Variants in NUBP1 observed in about 807,000 individuals in gnomAD.
The protein encoded by NUBP1 is NUBP iron-sulfur cluster assembly factor 1, cytosolic.
In NUBP1, 46 loss-of-function variants were observed where a neutral mutation model predicts 41.8. The observed-to-expected ratio is 1.10, with a 90% CI of 0.87 to 1.41. The LOEUF (loss-of-function observed/expected upper bound fraction) is 1.41, where lower values mean the gene tolerates loss of function less well. Among genes scored for constraint, NUBP1 ranks in the 40% most tolerant of loss-of-function variants. NUBP1 has a pLI of 0.00. For missense variants in NUBP1, 494 were observed against 414.0 expected (o/e 1.19, Z -1.68); for synonymous variants, 189 against 154.6 (o/e 1.22, Z -1.65).
chr16:10,762,360 C>G (rs1042833414), intron 9 of NUBP1, among the ~76,000 whole-genome samples: 2 of 152,224 alleles, frequency 1.3e-5, no homozygotes, highest in African/African-American at 4.8e-5. Flanking sequence ...AAAAAATGCT[C>G]TTCTTAAGTA....
intron 7 of NUBP1, 22 bp downstream of exon 7, chr16:10,758,049 G>T: frequency 6.2e-7 from 1 of 1,609,964 alleles, no homozygotes; most frequent in Non-Finnish European, 8.5e-7. Context: ...GCCAGCTGGA[G>T]CTGGGTCCAA....
rs760437311 is a variant in NUBP1, at chr16:10,757,668, A to C, written c.452-205A>C. 5.3e-5 allele frequency among the ~76,000 whole-genome samples: 8 copies of C among 152,140 alleles called. No homozygotes were observed. The highest frequency in any genetic ancestry group is 1.2e-4 in the Non-Finnish European group (8 of 68,028). ...ACCAAAGGCACAAAAAGATCAGATC[A>C]TGCTTCTCCGTGAGCTGGGCACAGT... On this transcript the variant is annotated intron_variant, in intron 6 of 10. Coordinates refer to ENST00000283027, the MANE Select transcript of NUBP1 (RefSeq NM_002484.4). This position sits in a 1 kb window ranked among gnomAD's most constrained non-coding sequence, Gnocchi z 4.1.
chr16:10,748,229 G>T (rs1017064914), intron 3 of NUBP1, among the ~76,000 whole-genome samples: 6 of 152,246 alleles, frequency 3.9e-5, no homozygotes, highest in Admixed American at 2.6e-4. Flanking sequence ...GAGATTATAG[G>T]CATGAGCCAC....
At chr16:10,758,317 T>G (rs1084546) in intron 7 of NUBP1, among the ~76,000 whole-genome samples, 32,068 of 151,942 alleles carry the variant, frequency 0.21, 4,275 homozygotes, top group South Asian at 0.34. Flanking sequence ...CAAAAAATAT[T>G]TTAAAATTAG....
At position 10,761,776 on chromosome 16, in the gene NUBP1, C is replaced by G; in HGVS notation, c.737C>G (p.Pro246Arg). ...PKCKKESQIF[P>R]PTTGGAELMC... ...TTGCAGAAAGAATCTCAGATATTCCCTCCCACAACCGGGGGCGCGGAGCTC... is the reference window on the plus strand; with the variant it reads ...TTGCAGAAAGAATCTCAGATATTCCGTCCCACAACCGGGGGCGCGGAGCTC... Residue 246 changes from proline (P) to arginine (R), a missense_variant, in exon 9 of 11, where the codon CCT becomes CGT. By Grantham distance (103) the Pro-to-Arg change is moderately radical. Coordinates refer to ENST00000283027, the MANE Select transcript of NUBP1 (RefSeq NM_002484.4). The G allele has an allele frequency of 6.2e-7, 1 of 1,613,930 alleles. No homozygotes were observed. The highest frequency in any genetic ancestry group is 1.7e-5 in the Admixed American group (1 of 59,984).
At position 10,768,739 on chromosome 16, in the gene NUBP1, T is replaced by A. The variant is rs181944066; in HGVS notation, c.905-308T>A. On this transcript the variant is annotated intron_variant, in intron 10 of 10. Transcript: ENST00000283027. This position sits in a 1 kb window ranked among gnomAD's most constrained non-coding sequence, Gnocchi z 4.3. ...GTGTCAGTGTTTGTTAAAGCTGTGG[T>A]CTCTGAGTTTGTGGCTGGGTTTTAC... is the stretch of plus-strand genomic sequence containing the variant. 4.8e-4 allele frequency: 146 copies of A among 306,512 alleles called. No homozygotes were observed. The highest frequency in any genetic ancestry group is 7.2e-4 in the Non-Finnish European group (122 of 168,578). The allele number at this position is 306,512 out of a possible 1,614,324, so 19.0% of individuals were successfully genotyped here. A position where few individuals can be genotyped will look rare whatever the true frequency, so the allele number is the denominator to read the frequency against.
In NUBP1 at chr16:10,765,322, T is replaced by A. The variant is rs1426084365; in HGVS notation, c.821-2627T>A. ...CTGGGTAACACAGGAAGATACCTCA[T>A]CTCTTAAAAAAAAAAAAAAAAAAAA... On this transcript the variant is annotated intron_variant, in intron 9 of 10. Coordinates refer to ENST00000283027, the MANE Select transcript of NUBP1 (RefSeq NM_002484.4). The surrounding 1 kb of genome is among the most constrained non-coding windows in gnomAD (Gnocchi z 4.0). Among the ~76,000 whole-genome samples, 2 of 116,304 alleles carry A rather than the reference T, an allele frequency of 1.7e-5. No individual in the cohort carries two copies. Among genetic ancestry groups the A allele is most frequent in the African/African-American group, 3.4e-5 (1 of 29,058 alleles). The allele number at this position is 116,304 out of a possible 152,430, so 76.3% of individuals were successfully genotyped here.
rs1345348581 is a variant in NUBP1 at position 10,749,038 on chromosome 16, C to G, written c.258+1762C>G. ...CCCAGGAGGCGGAGGTCGCGGTGGG[C>G]CAAGATTGCCCTACTGCACTCCAGC... On this transcript the variant is annotated intron_variant, in intron 3 of 10. Coordinates refer to ENST00000283027, the MANE Select transcript of NUBP1 (RefSeq NM_002484.4). This position sits in a 1 kb window ranked among gnomAD's most constrained non-coding sequence, Gnocchi z 4.1. 6.6e-6 allele frequency among the ~76,000 whole-genome samples: 1 copy of G among 151,086 alleles called. No homozygotes were observed. The highest frequency in any genetic ancestry group is 2.4e-5 in the African/African-American group (1 of 41,038).
chr16:10,756,624 G>C (rs907088997), intron 5 of NUBP1, 66 bp from the exon 6 acceptor site: 14 of 1,219,640 alleles, frequency 1.1e-5, no homozygotes, highest in Non-Finnish European at 1.5e-5. Flanking sequence ...CAGAAGACCT[G>C]GGGGAGGGCC....
chr16:10,749,698 G>A lies in NUBP1; in HGVS notation c.258+2422G>A, dbSNP rs1354636719. 7.2e-5 allele frequency among the ~76,000 whole-genome samples: 11 copies of A among 152,338 alleles called. 1 individual carries two copies. In the East Asian group the frequency reaches 1.5e-3, roughly 21 times the overall value. On this transcript the variant is annotated intron_variant, in intron 3 of 10. Coordinates refer to ENST00000283027, the MANE Select transcript of NUBP1 (RefSeq NM_002484.4). This position sits in a 1 kb window ranked among gnomAD's most constrained non-coding sequence, Gnocchi z 4.1. ...CTCCCTGCCCTAAATCCAGCAGGGTGGTGGGACATGCCCTGACCTTTTTCT... is the reference window on the plus strand; with the variant it reads ...CTCCCTGCCCTAAATCCAGCAGGGTAGTGGGACATGCCCTGACCTTTTTCT...
intron 4 of NUBP1, among the ~76,000 whole-genome samples, chr16:10,754,339 C>A (rs1900458274): frequency 6.6e-6 from 1 of 152,110 alleles, no homozygotes; most frequent in Non-Finnish European, 1.5e-5. Flanking sequence ...GCCTCCCGGG[C>A]TCAAGCAGTT....
chr16:10,767,042 T>C lies in NUBP1; in HGVS notation c.821-907T>C. 2.5e-6 allele frequency: 1 copy of C among 398,430 alleles called. No individual in the cohort carries two copies. The highest frequency in any genetic ancestry group is 1.3e-4 in the South Asian group (1 of 7,850). 24.7% of individuals were successfully genotyped at this position (398,430 alleles called of 1,614,324 possible). On this transcript the variant is annotated intron_variant, in intron 9 of 10. Coordinates refer to ENST00000283027, the MANE Select transcript of NUBP1 (RefSeq NM_002484.4). The surrounding 1 kb of genome is among the most constrained non-coding windows in gnomAD (Gnocchi z 4.6). ...CCTGTCCCACAGGGCGACACAGTAG[T>C]GAAGTTGAGGAAATGATGAGTGCTA...
intron 9 of NUBP1, among the ~76,000 whole-genome samples, chr16:10,763,366 G>A (rs570805687): frequency 6.4e-4 from 98 of 152,208 alleles, no homozygotes; most frequent in African/African-American, 1.9e-3. Context: ...GGTAGGGTGC[G>A]AGGGCCACTC....
At chr16:10,758,420 C>CCATGATCATGCAGTTG (rs1567259325) in intron 7 of NUBP1, among the ~76,000 whole-genome samples, 1 of 152,214 alleles carries the variant, frequency 6.6e-6, no homozygotes, top group Non-Finnish European at 1.5e-5. Flanking sequence ...TTGCAGTGAG[C>CCATGATCATGCAGTTG]CATGATCACG....
intron 7 of NUBP1, among the ~76,000 whole-genome samples, 167 bp downstream of exon 7, chr16:10,758,194 A>C (rs1220093652): frequency 6.6e-6 from 1 of 152,048 alleles, no homozygotes; most frequent in African/African-American, 2.4e-5. Context: ...AACTTCAGCC[A>C]GCACAGTGAT....
chr16:10,747,901 C>A (rs1368222348), intron 3 of NUBP1, among the ~76,000 whole-genome samples: 1 of 152,228 alleles, frequency 6.6e-6, no homozygotes, highest in Non-Finnish European at 1.5e-5. Flanking sequence ...AAATCCAGCC[C>A]ATCTCCTGCC....
At position 10,751,715 on chromosome 16, in the gene NUBP1, A is replaced by G. The variant is rs541486592; in HGVS notation, c.259-895A>G. 3.4e-3 allele frequency among the ~76,000 whole-genome samples: 514 copies of G among 152,272 alleles called. 1 individual carries two copies. Among genetic ancestry groups the G allele is most frequent in the Non-Finnish European group, 5.8e-3 (397 of 68,022 alleles). On this transcript the variant is annotated intron_variant, in intron 3 of 10. Transcript: ENST00000283027. The stretch of plus-strand genomic sequence containing the variant: ...CGCCTGAAGCTGCACCTGAGTCACA[A>G]CTAAAGAGCTTTTCCAGGTTTCCAT...
chr16:10,758,810 G>A (rs759030325), intron 7 of NUBP1, among the ~76,000 whole-genome samples: 8 of 152,132 alleles, frequency 5.3e-5, no homozygotes, highest in Non-Finnish European at 8.8e-5. Flanking sequence ...GGGTGCCTTC[G>A]CTTCTTCCGT....
At chr16:10,761,559 T>C in intron 8 of NUBP1, 85 bp downstream of exon 8, 1 of 1,213,794 alleles carries the variant, frequency 8.2e-7, no homozygotes. Flanking sequence ...GCAAACTATT[T>C]CTGCTTTCCC....
Sources: allele counts gnomAD v4.1 joint callset (sites outside exome capture counted in the v4.1 genomes callset), GRCh38; gene constraint gnomAD v4.1.1; non-coding constraint Gnocchi (gnomAD v3.1); transcripts MANE v1.5; gene names NCBI Gene and HGNC (gene_info 2026-07-23, HGNC 2026-07-21).